Variants in NAP1L1 observed in about 807,000 individuals in gnomAD.
NAP1L1 encodes nucleosome assembly protein 1-like 1.
In NAP1L1, 9 loss-of-function variants were observed where a neutral mutation model predicts 58.9. That is an observed-to-expected ratio of 0.15 (90% CI 0.09 to 0.27). The LOEUF (loss-of-function observed/expected upper bound fraction) is 0.27, where lower values mean the gene tolerates loss of function less well. NAP1L1 is among the 10% of genes least tolerant of loss of function. The pLI is 1.00. For synonymous variants in NAP1L1, 130 were observed against 138.3 expected (o/e 0.94, Z 0.42); for missense variants, 302 against 458.8 (o/e 0.66, Z 3.12).
rs956096126 is a variant in NAP1L1 at position 76,044,047 on chromosome 12, A to G, written c.*4382T>C. 1 of 152,048 alleles carries G rather than the reference A, an allele frequency of 6.6e-6. No individual in the cohort carries two copies. 9.4% of individuals were successfully genotyped at this position (152,048 alleles called of 1,614,324 possible). A position where few individuals can be genotyped will look rare whatever the true frequency, so the allele number is the denominator to read the frequency against. On this transcript the variant is annotated 3_prime_UTR_variant, in exon 15 of 15. Coordinates refer to ENST00000618691, the MANE Select transcript of NAP1L1 (RefSeq NM_004537.7). Reference sequence around the variant, plus strand: ...TGCTTGTAATCCCAGCACTTTTGAGAGGCCAGCACTTTGAGAGGCTGAGGT... The same window carrying G: ...TGCTTGTAATCCCAGCACTTTTGAGGGGCCAGCACTTTGAGAGGCTGAGGT...
At chr12:76,064,333 T>C (rs1949560135) in intron 4 of NAP1L1, among the ~76,000 whole-genome samples, 1 of 152,046 alleles carries the variant, frequency 6.6e-6, no homozygotes. Context: ...GAAAAAACTG[T>C]CAGGTCAAAC....
chr12:76,079,893 T>C (rs1319312222), intron 1 of NAP1L1, among the ~76,000 whole-genome samples: 1 of 152,154 alleles, frequency 6.6e-6, no homozygotes, highest in Non-Finnish European at 1.5e-5. Flanking sequence ...GGTGTCTCAC[T>C]ATGTCGCCTA....
intron 1 of NAP1L1, among the ~76,000 whole-genome samples, chr12:76,081,745 T>C (rs1258442909): frequency 6.6e-6 from 1 of 152,216 alleles, no homozygotes; most frequent in Non-Finnish European, 1.5e-5. Context: ...CTGTAGTCAT[T>C]GTGCTAAACG....
intron 4 of NAP1L1, among the ~76,000 whole-genome samples, chr12:76,063,173 T>TATGG (rs2137028740): frequency 6.6e-6 from 1 of 152,294 alleles, no homozygotes; most frequent in South Asian, 2.1e-4. Context: ...CTATTTAAGG[T>TATGG]ATGGGTGTGG....
chr12:76,083,680 C>T (rs1385572130), intron 1 of NAP1L1, among the ~76,000 whole-genome samples: 2 of 152,128 alleles, frequency 1.3e-5, no homozygotes, highest in East Asian at 3.8e-4. Flanking sequence ...TTAATATAAG[C>T]GCTATATACG....
chr12:76,060,828 C>T (rs1388140350), intron 4 of NAP1L1, among the ~76,000 whole-genome samples: 1 of 152,134 alleles, frequency 6.6e-6, no homozygotes, highest in Non-Finnish European at 1.5e-5. Flanking sequence ...TGCTATGGCT[C>T]ACAACTGTAG....
At chr12:76,060,039 CAA>C (rs1183341108) in intron 5 of NAP1L1, 97 bp downstream of exon 5, 2 of 1,338,342 alleles carry the variant, frequency 1.5e-6, no homozygotes, top group African/African-American at 2.9e-5. Context: ...ATAACAATTT[CAA>C]TGAGAGTTCT....
chr12:76,069,535 A>G (rs2137061533), intron 2 of NAP1L1, among the ~76,000 whole-genome samples: 1 of 152,308 alleles, frequency 6.6e-6, no homozygotes. Context: ...TGATGGCTCA[A>G]GCTCCAGCAG....
At chr12:76,072,892 TTG>T (rs1452295401) in intron 2 of NAP1L1, among the ~76,000 whole-genome samples, 9 of 152,132 alleles carry the variant, frequency 5.9e-5, no homozygotes, top group African/African-American at 1.9e-4. Context: ...TTTAGCTCCC[TTG>T]TACTCTTCCA....
intron 1 of NAP1L1, among the ~76,000 whole-genome samples, chr12:76,083,138 C>T (rs1400238335): frequency 6.6e-6 from 1 of 152,084 alleles, no homozygotes; most frequent in Non-Finnish European, 1.5e-5. Context: ...TCAGTCCCAG[C>T]CCCCCTACAC....
chr12:76,054,827 G>A (rs1592624755), intron 8 of NAP1L1, among the ~76,000 whole-genome samples, 192 bp downstream of exon 8: 1 of 152,178 alleles, frequency 6.6e-6, no homozygotes, highest in Non-Finnish European at 1.5e-5. Context: ...AGGATTGTCT[G>A]TGTTTCAAAC....
Position 76,048,423 on chromosome 12 carries a change from C to A in NAP1L1, c.*6G>T. ...AGGTTATCCTCAAGGCCACATACAT[C>A]CTGCTTCACTGCTGCTTGCACTCTG... On this transcript the variant is annotated 3_prime_UTR_variant, in exon 15 of 15. Coordinates refer to ENST00000618691, the MANE Select transcript of NAP1L1 (RefSeq NM_004537.7). 2 of 1,613,334 alleles carry A rather than the reference C, an allele frequency of 1.2e-6. No individual in the cohort carries two copies. Among genetic ancestry groups the A allele is most frequent in the Non-Finnish European group, 1.7e-6 (2 of 1,179,612 alleles).
At chr12:76,074,046 T>G (rs920582474) in intron 2 of NAP1L1, 157 bp downstream of exon 2, 2 of 621,722 alleles carry the variant, frequency 3.2e-6, no homozygotes, top group Non-Finnish European at 5.7e-6. Flanking sequence ...ATATTCTATA[T>G]TTTACCTTGA....
rs372162694 is a variant in NAP1L1, at chr12:76,074,227, G to C, written c.-8C>G. 5.0e-6 allele frequency: 8 copies of C among 1,593,078 alleles called. No individual in the cohort carries two copies. The African/African-American group carries it at 1.1e-4, about 22-fold the overall frequency. ...CTTGTCAATGTCTGCCATGTTGTAA[G>C]AACTCCAAATATCTATGGAGAGAAA... On this transcript the variant is annotated 5_prime_UTR_variant, in exon 2 of 15. Coordinates refer to ENST00000618691, the MANE Select transcript of NAP1L1 (RefSeq NM_004537.7).
At position 76,055,037 on chromosome 12, in the gene NAP1L1, T is replaced by G; in HGVS notation, c.612A>C (p.Ser204=). ...KHLKDIKVKF[S]DAGQPMSFVL... The stretch of plus-strand genomic sequence containing the variant: ...CTTTTACCATAGGCTGGCCAGCATC[T>G]GAGAACTTCACTTTAATATCTTTCA... Residue 204 remains serine (S), a synonymous_variant, in exon 8 of 15, where the codon TCA becomes TCC. Transcript: ENST00000618691. The G allele has an allele frequency of 6.2e-7, 1 of 1,607,252 alleles. No individual in the cohort carries two copies. The highest frequency in any genetic ancestry group is 1.1e-5 in the South Asian group (1 of 89,918).
At chr12:76,048,754 T>C (rs1948690562) in intron 14 of NAP1L1, among the ~76,000 whole-genome samples, 1 of 152,132 alleles carries the variant, frequency 6.6e-6, no homozygotes. Flanking sequence ...CAATCAGCTT[T>C]GTTTTTGCTA....
chr12:76,052,036 A>C (rs540158606), intron 11 of NAP1L1, among the ~76,000 whole-genome samples: 6 of 151,936 alleles, frequency 3.9e-5, no homozygotes, highest in Non-Finnish European at 8.8e-5. Flanking sequence ...ATAATAATAA[A>C]ATAAAATAAT....
At position 76,050,575 on chromosome 12, in the gene NAP1L1, C is replaced by A; in HGVS notation, c.1015G>T (p.Val339Leu). The A allele has an allele frequency of 6.2e-7, 1 of 1,612,268 alleles. No homozygotes were observed. ...ATAGCTTCTCCAGTAAAATATAACACTGATCTTGGGATTATACGCTCACGT... is the reference window on the plus strand; with the variant it reads ...ATAGCTTCTCCAGTAAAATATAACAATGATCTTGGGATTATACGCTCACGT... ...FLRERIIPRSVLYFTGEAIED... is the reference protein window; with the variant it reads ...FLRERIIPRSLLYFTGEAIED... Residue 339 changes from valine to leucine, a missense_variant, in exon 12 of 15, where the codon GTG becomes TTG. Val to Leu is a conservative substitution (Grantham distance 32). Coordinates refer to ENST00000618691, the MANE Select transcript of NAP1L1 (RefSeq NM_004537.7).
At chr12:76,083,138 C>A (rs1400238335) in intron 1 of NAP1L1, among the ~76,000 whole-genome samples, 1 of 152,084 alleles carries the variant, frequency 6.6e-6, no homozygotes, top group Admixed American at 6.6e-5. Flanking sequence ...TCAGTCCCAG[C>A]CCCCCTACAC....
Sources: gnomAD v4.1 joint callset for allele counts (sites outside exome capture counted in the v4.1 genomes callset) on GRCh38, gnomAD v4.1.1 for gene constraint, MANE v1.5 for transcripts, NCBI Gene and HGNC (gene_info 2026-07-23, HGNC 2026-07-21) for gene names.